The following CPEB3 variants were observed in gnomAD, a reference collection of about 807,000 sequenced individuals.
CPEB3 encodes the protein cytoplasmic polyadenylation element binding protein 3, also known as cytoplasmic polyadenylation element-binding protein 3.
Under a neutral mutation model 67.2 loss-of-function variants are expected in CPEB3, and 20 were observed. That is an observed-to-expected ratio of 0.30 (90% CI 0.21 to 0.43). The LOEUF is 0.43. Ranked by LOEUF, CPEB3 falls within the 20% of genes least tolerant of loss-of-function variation. The probability of loss-of-function intolerance (pLI) is 1.00; values close to 1 mark genes in which losing one functional copy is unlikely to be tolerated. For missense variants in CPEB3, 746 were observed against 968.6 expected, an observed-to-expected ratio of 0.77 and a Z score of 3.05; for synonymous variants, 376 against 393.1, an observed-to-expected ratio of 0.96 and a Z score of 0.51.
Position 92,207,638 on chromosome 10 carries a change from G to C in CPEB3, c.1006-15002C>G, listed in dbSNP as rs543371322. Among the ~76,000 whole-genome samples the C allele has an allele frequency of 4.6e-4, 70 of 152,304 alleles. No individual in the cohort carries two copies. In the South Asian group the frequency reaches 0.012, roughly 27 times the overall value. On this transcript the variant is annotated intron_variant, in intron 2 of 9. Transcript: ENST00000265997. The stretch of plus-strand genomic sequence containing the variant: ...TGTAATACCAGCACTTTGGGAGGCC[G>C]AGGCTGGCAGGTCACGAGGTCAAGA...
intron 1 of CPEB3, among the ~76,000 whole-genome samples, chr10:92,250,860 T>A (rs989012204): frequency 1.6e-5 from 2 of 121,876 alleles, no homozygotes; most frequent in African/African-American, 7.1e-5. Context: ...CACAGTTAAT[T>A]TTTTTTTTTT....
intron 9 of CPEB3, among the ~76,000 whole-genome samples, chr10:92,057,975 G>A (rs915732350): frequency 6.6e-6 from 1 of 152,144 alleles, no homozygotes; most frequent in Admixed American, 6.5e-5. Context: ...AGAAGGACAG[G>A]TATAAATAAG....
intron 8 of CPEB3, among the ~76,000 whole-genome samples, chr10:92,088,101 A>G (rs1843449802): frequency 6.6e-6 from 1 of 152,134 alleles, no homozygotes. Flanking sequence ...AATGTGTATT[A>G]TTTGACATAG....
At chr10:92,237,965 A>G (rs1450905980) in intron 2 of CPEB3, among the ~76,000 whole-genome samples, 4 of 152,184 alleles carry the variant, frequency 2.6e-5, no homozygotes, top group African/African-American at 9.7e-5. Flanking sequence ...TCATTACTCT[A>G]GCCTAGAGAG....
chr10:92,278,059 G>A (rs1338171860), intron 1 of CPEB3, among the ~76,000 whole-genome samples: 1 of 151,460 alleles, frequency 6.6e-6, no homozygotes, highest in African/African-American at 2.4e-5. Context: ...GGTGGCGGGT[G>A]CCTGTAATCC....
intron 1 of CPEB3, among the ~76,000 whole-genome samples, chr10:92,260,421 T>C (rs1564915504): frequency 1.3e-5 from 2 of 151,576 alleles, no homozygotes; most frequent in Admixed American, 6.6e-5. Context: ...TGTGGTGGCA[T>C]GCGCCTGTAA....
chr10:92,128,147 T>G (rs568860997), intron 6 of CPEB3, among the ~76,000 whole-genome samples: 15 of 152,144 alleles, frequency 9.9e-5, no homozygotes, highest in Non-Finnish European at 1.5e-4. Flanking sequence ...TTCACAAAAT[T>G]TATCCTACAG....
At chr10:92,071,325 T>C (rs775150838) in intron 9 of CPEB3, among the ~76,000 whole-genome samples, 11 of 152,348 alleles carry the variant, frequency 7.2e-5, no homozygotes, top group South Asian at 4.1e-4. Flanking sequence ...AATGGTTGTG[T>C]TGGGGGGCAG....
intron 1 of CPEB3, among the ~76,000 whole-genome samples, chr10:92,280,957 A>T (rs1007077810): frequency 6.6e-6 from 1 of 150,820 alleles, no homozygotes; most frequent in Non-Finnish European, 1.5e-5. Context: ...ACAGGGTTTC[A>T]CCATGTTGGT....
At chr10:92,207,049 G>A (rs890231669) in intron 2 of CPEB3, among the ~76,000 whole-genome samples, 4 of 151,994 alleles carry the variant, frequency 2.6e-5, no homozygotes, top group Admixed American at 6.6e-5. Flanking sequence ...ACAGTGGCAC[G>A]ATCTTGGCTA....
intron 2 of CPEB3, among the ~76,000 whole-genome samples, chr10:92,227,117 G>T (rs1851014212): frequency 6.6e-6 from 1 of 152,288 alleles, no homozygotes; most frequent in South Asian, 2.1e-4. Context: ...CTGTGTGTTT[G>T]TGAGATTCCA....
At chr10:92,170,441 G>A (rs184458622) in intron 4 of CPEB3, among the ~76,000 whole-genome samples, 5 of 152,336 alleles carry the variant, frequency 3.3e-5, no homozygotes, top group African/African-American at 4.8e-5. Flanking sequence ...GAATTCCTCT[G>A]CATAATACTG....
chr10:92,068,005 G>T (rs966568676), intron 9 of CPEB3, among the ~76,000 whole-genome samples: 2 of 152,130 alleles, frequency 1.3e-5, no homozygotes, highest in African/African-American at 4.8e-5. Context: ...TACAAAGGAT[G>T]AGACTTACCA....
chr10:92,169,645 A>G (rs1379487665), intron 4 of CPEB3, among the ~76,000 whole-genome samples: 1 of 152,092 alleles, frequency 6.6e-6, no homozygotes, highest in Non-Finnish European at 1.5e-5. Flanking sequence ...CAACTAGAAA[A>G]CCAAAGATCT....
At chr10:92,196,034 T>C (rs1325775491) in intron 2 of CPEB3, among the ~76,000 whole-genome samples, 1 of 152,232 alleles carries the variant, frequency 6.6e-6, no homozygotes, top group African/African-American at 2.4e-5. Flanking sequence ...GAGGGATTCA[T>C]GTAACTAAAT....
intron 9 of CPEB3, among the ~76,000 whole-genome samples, chr10:92,063,711 C>G (rs909898008): frequency 1.3e-5 from 2 of 151,766 alleles, no homozygotes; most frequent in African/African-American, 4.8e-5. Context: ...TTGCAGTGAG[C>G]CAAGATCACA....
chr10:92,056,602 CA>C (rs1208764282), intron 9 of CPEB3, among the ~76,000 whole-genome samples: 2 of 152,166 alleles, frequency 1.3e-5, no homozygotes, highest in African/African-American at 4.8e-5. Context: ...CAAACCTCGC[CA>C]CTGTGGGCTA....
intron 7 of CPEB3, among the ~76,000 whole-genome samples, chr10:92,095,080 T>C (rs1843798139): frequency 6.6e-6 from 1 of 152,156 alleles, no homozygotes; most frequent in African/African-American, 2.4e-5. Context: ...AGGTTACCAC[T>C]GCTCAAAAGA....
At chr10:92,168,845 G>C in intron 4 of CPEB3, among the ~76,000 whole-genome samples, 1 of 147,814 alleles carries the variant, frequency 6.8e-6, no homozygotes. Flanking sequence ...GCCCAGGCTG[G>C]AGTGCAATGG....
Sources: allele counts gnomAD v4.1 joint callset (sites outside exome capture counted in the v4.1 genomes callset), GRCh38; gene constraint gnomAD v4.1.1; transcripts MANE v1.5; gene names NCBI Gene and HGNC (gene_info 2026-07-23, HGNC 2026-07-21).